The following CLYBL variants were observed in gnomAD, a reference collection of about 807,000 sequenced individuals.
CLYBL encodes the protein citramalyl-CoA lyase, mitochondrial.
CLYBL carries 31 observed loss-of-function variants against 38.9 expected under a neutral mutation model. The observed-to-expected ratio is 0.80, with a 90% CI of 0.60 to 1.08. CLYBL has a LOEUF of 1.08. Ranked by LOEUF, CLYBL falls within the 50% of genes least tolerant of loss-of-function variation. The pLI, the probability that CLYBL is intolerant of heterozygous loss-of-function variation, is 0.00. For synonymous variants in CLYBL, 171 were observed against 158.6 expected (o/e 1.08, Z -0.59); for missense variants, 434 against 411.6 (o/e 1.05, Z -0.47).
chr13:99,742,456 A>T (rs964996892), intron 1 of CLYBL, among the ~76,000 whole-genome samples: 10 of 152,220 alleles, frequency 6.6e-5, no homozygotes, highest in Admixed American at 3.9e-4. Context: ...CCAGAGACTT[A>T]TGCCTGTTGC....
At chr13:99,711,919 C>T (rs2139494855) in intron 1 of CLYBL, among the ~76,000 whole-genome samples, 1 of 133,150 alleles carries the variant, frequency 7.5e-6, no homozygotes, top group African/African-American at 2.6e-5. Flanking sequence ...ATTTCACCAT[C>T]TTGGCCAGGC....
intron 1 of CLYBL, among the ~76,000 whole-genome samples, chr13:99,678,760 A>G (rs2047689759): frequency 1.3e-5 from 2 of 152,182 alleles, no homozygotes; most frequent in African/African-American, 4.8e-5. Context: ...ATATAATTAA[A>G]AGGTAGGCAG....
chr13:99,807,379 A>G (rs1296487576), intron 2 of CLYBL, among the ~76,000 whole-genome samples: 1 of 152,230 alleles, frequency 6.6e-6, no homozygotes, highest in East Asian at 1.9e-4. Context: ...ATTGAGAGCC[A>G]GCACACCCAT....
intron 1 of CLYBL, among the ~76,000 whole-genome samples, chr13:99,722,509 T>TA (rs1294175050): frequency 2.0e-5 from 3 of 152,158 alleles, no homozygotes; most frequent in African/African-American, 7.2e-5. Flanking sequence ...CCACAAACCT[T>TA]ATTCATCTTT....
intron 1 of CLYBL, among the ~76,000 whole-genome samples, chr13:99,736,047 T>C (rs1285639303): frequency 3.6e-5 from 5 of 138,628 alleles, no homozygotes; most frequent in South Asian, 2.5e-4. Flanking sequence ...TCTTTTTTTT[T>C]TTTTTTTTTT....
intron 1 of CLYBL, among the ~76,000 whole-genome samples, chr13:99,725,666 C>T (rs544460621): frequency 6.6e-6 from 1 of 152,204 alleles, no homozygotes; most frequent in East Asian, 1.9e-4. Context: ...TTTATAAGCT[C>T]ATTTTGGAAA....
chr13:99,708,647 C>T (rs769048962), intron 1 of CLYBL, among the ~76,000 whole-genome samples: 8 of 152,156 alleles, frequency 5.3e-5, no homozygotes, highest in Non-Finnish European at 1.2e-4. Flanking sequence ...ATTCATAGTA[C>T]TTGGCACACA....
intron 1 of CLYBL, chr13:99,690,957 G>A (rs145557178): frequency 1.1e-4 from 16 of 152,314 alleles, no homozygotes; most frequent in Middle Eastern, 3.4e-3. Context: ...GAGACCTACC[G>A]TGTTTTGTTT....
rs544478039 is a variant in CLYBL, at chr13:99,608,811, C to T, written c.62+2054C>T. On this transcript the variant is annotated intron_variant, in intron 1 of 8. Coordinates refer to ENST00000339105, the MANE Select transcript of CLYBL (RefSeq NM_206808.5). ...TCCATTATTCTAATGAGAATTCAGA[C>T]GTTAATGTTATTAGGGTTCTATGTA... Among the ~76,000 whole-genome samples, 6 of 136,700 alleles carry T rather than the reference C, an allele frequency of 4.4e-5. No individual in the cohort carries two copies. In the East Asian group the frequency reaches 1.2e-3, roughly 27 times the overall value. The allele number at this position is 136,700 out of a possible 152,430, so 89.7% of individuals were successfully genotyped here.
intron 7 of CLYBL, among the ~76,000 whole-genome samples, chr13:99,886,481 G>A (rs760249041): frequency 7.9e-5 from 12 of 152,330 alleles, no homozygotes; most frequent in Admixed American, 2.6e-4. Context: ...TCCTTCCTAC[G>A]CGGAAGACAC....
intron 1 of CLYBL, among the ~76,000 whole-genome samples, chr13:99,716,207 T>TTTTTTTTTTTG: frequency 7.8e-6 from 1 of 127,608 alleles, no homozygotes; most frequent in Admixed American, 8.1e-5. Flanking sequence ...TTTTTTTTTT[T>TTTTTTTTTTTG]AGAGACAAGG....
intron 2 of CLYBL, among the ~76,000 whole-genome samples, chr13:99,853,231 A>G (rs1033969234): frequency 6.6e-6 from 1 of 151,936 alleles, no homozygotes; most frequent in African/African-American, 2.4e-5. Flanking sequence ...TCTCTTTTTC[A>G]ATTATATCTC....
At chr13:99,751,108 A>G (rs1359079099) in intron 1 of CLYBL, among the ~76,000 whole-genome samples, 1 of 152,246 alleles carries the variant, frequency 6.6e-6, no homozygotes, top group Non-Finnish European at 1.5e-5. Flanking sequence ...CCCAGTGTCC[A>G]TTGACAGATT....
chr13:99,749,409 A>G (rs2139630177), intron 1 of CLYBL, among the ~76,000 whole-genome samples: 1 of 152,222 alleles, frequency 6.6e-6, no homozygotes, highest in African/African-American at 2.4e-5. Flanking sequence ...TTTCCATGAC[A>G]AATAGAGTGG....
At chr13:99,611,122 G>A (rs187659207) in intron 1 of CLYBL, among the ~76,000 whole-genome samples, 2 of 152,304 alleles carry the variant, frequency 1.3e-5, no homozygotes, top group Non-Finnish European at 2.9e-5. Context: ...ACAGAGCTGG[G>A]GAAGAGGGAT....
chr13:99,771,249 T>C (rs550401423), intron 1 of CLYBL, among the ~76,000 whole-genome samples: 1 of 152,310 alleles, frequency 6.6e-6, no homozygotes, highest in African/African-American at 2.4e-5. Flanking sequence ...GATTTTGCTA[T>C]GTTGCCCAGG....
At chr13:99,782,532 A>T (rs1464522261) in intron 2 of CLYBL, among the ~76,000 whole-genome samples, 1 of 152,088 alleles carries the variant, frequency 6.6e-6, no homozygotes, top group Non-Finnish European at 1.5e-5. Flanking sequence ...TAATAAAAAA[A>T]ATTTCAAAGG....
At position 99,784,135 on chromosome 13, in the gene CLYBL, A is replaced by G. The variant is rs113747186; in HGVS notation, c.249+11125A>G. Among the ~76,000 whole-genome samples, 94 of 152,350 alleles carry G rather than the reference A, an allele frequency of 6.2e-4. 1 individual carries two copies. The highest frequency in any genetic ancestry group is 2.2e-3 in the African/African-American group (90 of 41,588). Reference sequence around the variant, plus strand: ...ACAATAGCATGAGAAGTCAATCATCATGCTTGTGAACCACAAAAGGATCAT... The same window carrying G: ...ACAATAGCATGAGAAGTCAATCATCGTGCTTGTGAACCACAAAAGGATCAT... On this transcript the variant is annotated intron_variant, in intron 2 of 8. Coordinates refer to ENST00000339105, the MANE Select transcript of CLYBL (RefSeq NM_206808.5).
intron 2 of CLYBL, among the ~76,000 whole-genome samples, chr13:99,801,550 T>G (rs999292435): frequency 4.6e-5 from 7 of 152,182 alleles, no homozygotes; most frequent in Admixed American, 3.3e-4. Context: ...TGAAGTTAAA[T>G]AGACTATTTC....
Sources: gnomAD v4.1 joint callset for allele counts (sites outside exome capture counted in the v4.1 genomes callset) on GRCh38, gnomAD v4.1.1 for gene constraint, MANE v1.5 for transcripts, NCBI Gene and HGNC (gene_info 2026-07-23, HGNC 2026-07-21) for gene names.